Variants in EHBP1 observed in about 807,000 individuals in gnomAD.
The protein encoded by EHBP1 is EH domain binding protein 1, also known as EH domain-binding protein 1.
A neutral mutation model predicts 144.0 loss-of-function variants in EHBP1; 55 were observed. That is an observed-to-expected ratio of 0.38 (90% confidence interval 0.31 to 0.48). The LOEUF is 0.48. Among genes scored for constraint, EHBP1 ranks in the 20% least tolerant of loss-of-function variants. EHBP1 has a pLI of 0.98. For synonymous variants in EHBP1, 469 were observed against 472.7 expected (o/e 0.99, Z 0.10); for missense variants, 1,200 against 1,364.2 (o/e 0.88, Z 1.90).
intron 10 of EHBP1, among the ~76,000 whole-genome samples, chr2:62,892,068 C>T (rs2152917501): frequency 6.6e-6 from 1 of 152,166 alleles, no homozygotes; most frequent in East Asian, 1.9e-4. Flanking sequence ...ACCTAAAATG[C>T]CTTGTGAATT....
chr2:62,831,284 C>T (rs1219765001), intron 7 of EHBP1, 126 bp downstream of exon 7: 11 of 863,050 alleles, frequency 1.3e-5, no homozygotes, highest in Admixed American at 3.4e-5. Flanking sequence ...AGCCTTTCTA[C>T]AATAAAATAT....
At chr2:62,673,986 C>T (rs1482764439) in exon 1 of EHBP1, 2 of 470,018 alleles carry the variant, frequency 4.3e-6, no homozygotes, top group Non-Finnish European at 8.8e-6. Flanking sequence ...GGTTAGCATG[C>T]CCCTGTAGCA....
chr2:62,708,970 G>A (rs1203133185), intron 2 of EHBP1, among the ~76,000 whole-genome samples: 1 of 152,150 alleles, frequency 6.6e-6, no homozygotes, highest in Non-Finnish European at 1.5e-5. Flanking sequence ...TAAGTTATGT[G>A]CTGTTAATAA....
At chr2:62,880,963 A>G (rs1016862057) in intron 10 of EHBP1, among the ~76,000 whole-genome samples, 1 of 152,156 alleles carries the variant, frequency 6.6e-6, no homozygotes, top group Non-Finnish European at 1.5e-5. Context: ...ACTATTCACA[A>G]TAGAAAACAC....
chr2:62,779,352 A>G (rs769703955), intron 5 of EHBP1, among the ~76,000 whole-genome samples: 5 of 152,192 alleles, frequency 3.3e-5, no homozygotes, highest in Non-Finnish European at 7.3e-5. Flanking sequence ...TTAGTATTAT[A>G]TACTATTTAT....
intron 7 of EHBP1, among the ~76,000 whole-genome samples, chr2:62,855,466 G>T (rs1036114794): frequency 7.2e-5 from 11 of 152,140 alleles, no homozygotes; most frequent in Admixed American, 7.2e-4. Context: ...TGGGTAGAAG[G>T]AGGAAGGTCT....
chr2:62,869,501 C>G (rs543184004), intron 9 of EHBP1, among the ~76,000 whole-genome samples: 2 of 152,230 alleles, frequency 1.3e-5, no homozygotes, highest in East Asian at 3.9e-4. Flanking sequence ...GATCATTATA[C>G]TGAGTGAAAG....
chr2:62,838,059 A>AAATTTGACCTATT (rs2047440787), intron 7 of EHBP1, among the ~76,000 whole-genome samples: 1 of 150,534 alleles, frequency 6.6e-6, no homozygotes, highest in African/African-American at 2.5e-5. Context: ...ACCACACCAC[A>AAATTTGACCTATT]CCTATTCCAA....
intron 5 of EHBP1, among the ~76,000 whole-genome samples, chr2:62,798,365 CA>C (rs139839270): frequency 3.8e-3 from 517 of 134,392 alleles, no homozygotes; most frequent in Admixed American, 4.0e-3. Context: ...GAGACTCCGT[CA>C]AAAAAAAAAA....
At chr2:62,839,270 A>C (rs2047582473) in intron 7 of EHBP1, among the ~76,000 whole-genome samples, 1 of 151,968 alleles carries the variant, frequency 6.6e-6, no homozygotes, top group South Asian at 2.1e-4. Flanking sequence ...ATGCGGAAAA[A>C]GCCTTTGACA....
rs951380694 is a variant in EHBP1, at chr2:62,852,862, G to A, written c.635-6307G>A. On this transcript the variant is annotated intron_variant, in intron 7 of 22. Transcript: ENST00000431489. ...TGAGAAATTAGCTAGGTTACCTTGA[G>A]TCAGAGTACGATTTAAAACTATTGG... 2.0e-5 allele frequency among the ~76,000 whole-genome samples: 3 copies of A among 152,112 alleles called. No homozygotes were observed. In the East Asian group the frequency reaches 5.8e-4, roughly 29 times the overall value.
chr2:62,705,111 C>CG (rs1272903500), upstream of EHBP1, among the ~76,000 whole-genome samples: 1 of 151,984 alleles, frequency 6.6e-6, no homozygotes, highest in Non-Finnish European at 1.5e-5. Flanking sequence ...GCCGGGGTGT[C>CG]GGGGGGTGCC....
chr2:62,761,702 A>G (rs569873277), intron 3 of EHBP1, among the ~76,000 whole-genome samples: 29 of 152,268 alleles, frequency 1.9e-4, no homozygotes, highest in Middle Eastern at 6.8e-3. Context: ...GGAAGGATCA[A>G]TCTGTCTTAT....
intron 10 of EHBP1, among the ~76,000 whole-genome samples, chr2:62,935,324 A>G (rs1230746950): frequency 8.3e-6 from 1 of 119,980 alleles, no homozygotes; most frequent in African/African-American, 3.1e-5. Context: ...GCGAGACTCC[A>G]TCTCAAAAAA....
chr2:62,743,310 G>A (rs963266463), intron 2 of EHBP1, among the ~76,000 whole-genome samples: 7 of 151,964 alleles, frequency 4.6e-5, no homozygotes, highest in Non-Finnish European at 1.0e-4. Context: ...AGTAATCTCT[G>A]TGGTTGGGCA....
chr2:62,773,119 A>G (rs774442670), intron 5 of EHBP1, among the ~76,000 whole-genome samples: 17 of 152,234 alleles, frequency 1.1e-4, no homozygotes, highest in Non-Finnish European at 2.1e-4. Context: ...ATTATGAACT[A>G]TATCAAAAGG....
intron 7 of EHBP1, among the ~76,000 whole-genome samples, chr2:62,845,692 C>T (rs1294102184): frequency 7.1e-6 from 1 of 141,670 alleles, no homozygotes; most frequent in Non-Finnish European, 1.5e-5. Context: ...GTTATGGGCT[C>T]AATTAAAAAA....
At chr2:62,676,249 T>A (rs1463984938) in intron 1 of EHBP1, among the ~76,000 whole-genome samples, 2 of 152,266 alleles carry the variant, frequency 1.3e-5, no homozygotes, top group African/African-American at 4.8e-5. Context: ...TCCCATTTCA[T>A]GAAGTGATAA....
At chr2:62,890,686 A>G (rs1406075736) in intron 10 of EHBP1, among the ~76,000 whole-genome samples, 2 of 152,228 alleles carry the variant, frequency 1.3e-5, no homozygotes, top group Non-Finnish European at 2.9e-5. Context: ...GTCTGCATAC[A>G]GGGATAGTAT....
Sources: gnomAD v4.1 joint callset for allele counts (sites outside exome capture counted in the v4.1 genomes callset) on GRCh38, gnomAD v4.1.1 for gene constraint, MANE v1.5 for transcripts, NCBI Gene and HGNC (gene_info 2026-07-23, HGNC 2026-07-21) for gene names.